The following BMPER variants were observed in gnomAD, a reference collection of about 807,000 sequenced individuals.
BMPER encodes BMP binding endothelial regulator, also known as BMP-binding endothelial regulator protein.
In BMPER, 45 loss-of-function variants were observed where a neutral mutation model predicts 87.3. The ratio of observed to expected loss-of-function variants is 0.52; its 90% CI spans 0.41 to 0.66. The LOEUF is 0.66. BMPER is among the 30% of genes least tolerant of loss of function. The pLI is 0.00. For synonymous variants in BMPER, 326 were observed against 316.2 expected, an observed-to-expected ratio of 1.03 and a Z score of -0.33; for missense variants, 784 against 867.5, an observed-to-expected ratio of 0.90 and a Z score of 1.21.
chr7:34,145,135 T>G (rs1274046422), intron 14 of BMPER, among the ~76,000 whole-genome samples: 1 of 152,164 alleles, frequency 6.6e-6, no homozygotes, highest in African/African-American at 2.4e-5. Flanking sequence ...CTTTTAAAAC[T>G]CCCTAGGTGA....
intron 11 of BMPER, among the ~76,000 whole-genome samples, chr7:34,063,385 G>A (rs35563195): frequency 0.25 from 29,169 of 117,612 alleles, 2,880 homozygotes; most frequent in Non-Finnish European, 0.28. Flanking sequence ...CTATATGTGT[G>A]TGTGTGTGTG....
intron 6 of BMPER, among the ~76,000 whole-genome samples, chr7:33,986,763 A>T (rs1585707246): frequency 1.3e-5 from 2 of 152,160 alleles, no homozygotes; most frequent in South Asian, 4.1e-4. Flanking sequence ...AAATAAAAGA[A>T]ATATCCTTTT....
Position 34,147,017 on chromosome 7 carries a change from AACTGAT to A in BMPER, c.1876+3661_1876+3666del, listed in dbSNP as rs142199046. Among the ~76,000 whole-genome samples the A allele has an allele frequency of 2.6e-4, 39 of 152,304 alleles. No homozygotes were observed. In the East Asian group the frequency reaches 7.5e-3, roughly 29 times the overall value. ...AGCAGAATGTCTGCCACCTGCCTAT[AACTGAT>A]ACTAATTGTCACTGCACATTCAGTC... On this transcript the variant is annotated intron_variant, in intron 14 of 14. Transcript: ENST00000649409.
At chr7:33,996,055 A>G (rs1247566599) in intron 6 of BMPER, among the ~76,000 whole-genome samples, 1 of 152,200 alleles carries the variant, frequency 6.6e-6, no homozygotes, top group Non-Finnish European at 1.5e-5. Context: ...CTCTTCCTCT[A>G]TCTCTAACAT....
rs375928314 is a variant in BMPER, at chr7:34,112,368, C to T, written c.1745+26276C>T. On this transcript the variant is annotated intron_variant, in intron 13 of 14. Coordinates refer to ENST00000649409, the MANE Select transcript of BMPER (RefSeq NM_001365308.1). ...AAAATTAGCCAGGCGTGGTGGTGGGCGCCTGTAGTCCCAGCTACTCGGGAG... is the reference window on the plus strand; with the variant it reads ...AAAATTAGCCAGGCGTGGTGGTGGGTGCCTGTAGTCCCAGCTACTCGGGAG... 4.5e-3 allele frequency among the ~76,000 whole-genome samples: 677 copies of T among 151,744 alleles called. 8 individuals are homozygous for T. The highest frequency in any genetic ancestry group is 0.015 in the African/African-American group (633 of 41,366).
At chr7:33,915,334 T>C (rs1176929081) in intron 2 of BMPER, among the ~76,000 whole-genome samples, 2 of 152,242 alleles carry the variant, frequency 1.3e-5, no homozygotes, top group Non-Finnish European at 2.9e-5. Flanking sequence ...AAACTTACTA[T>C]TGTAAACTTT....
At chr7:33,972,085 A>G (rs1785562784) in intron 5 of BMPER, among the ~76,000 whole-genome samples, 1 of 151,956 alleles carries the variant, frequency 6.6e-6, no homozygotes, top group Non-Finnish European at 1.5e-5. Context: ...TTGTATTTTT[A>G]GTAGAGACGG....
intron 3 of BMPER, among the ~76,000 whole-genome samples, chr7:33,965,900 C>T (rs1045548337): frequency 4.1e-4 from 63 of 152,056 alleles, no homozygotes; most frequent in African/African-American, 1.4e-3. Flanking sequence ...TTCGCTTAGT[C>T]TAATTTACTA....
In BMPER at chr7:33,995,448, C is replaced by A. The variant is rs998606970; in HGVS notation, c.576+20664C>A. On this transcript the variant is annotated intron_variant, in intron 6 of 14. Coordinates refer to ENST00000649409, the MANE Select transcript of BMPER (RefSeq NM_001365308.1). Reference sequence around the variant, plus strand: ...GACAATGTTGAGAGCCAGGATGAGACCTCCTGTTGCAAGGCTCTATCATGG... The same window carrying A: ...GACAATGTTGAGAGCCAGGATGAGAACTCCTGTTGCAAGGCTCTATCATGG... 2.0e-5 allele frequency among the ~76,000 whole-genome samples: 3 copies of A among 152,088 alleles called. No individual in the cohort carries two copies. In the South Asian group the frequency reaches 6.2e-4, roughly 32 times the overall value.
At chr7:34,046,473 T>A (rs1787972263) in intron 7 of BMPER, 68 bp downstream of exon 7, 1 of 1,502,474 alleles carries the variant, frequency 6.7e-7, no homozygotes, top group Admixed American at 1.7e-5. Context: ...GGAGTGTTTA[T>A]CCACGTTGTT....
intron 6 of BMPER, among the ~76,000 whole-genome samples, chr7:34,011,058 A>G (rs1585734616): frequency 6.6e-6 from 1 of 152,004 alleles, no homozygotes; most frequent in Middle Eastern, 3.4e-3. Context: ...TTTTGGGCAT[A>G]TATGGTGTTT....
intron 14 of BMPER, among the ~76,000 whole-genome samples, chr7:34,147,300 C>A (rs1021106374): frequency 6.6e-6 from 1 of 152,180 alleles, no homozygotes; most frequent in African/African-American, 2.4e-5. Context: ...TTCAGCACCC[C>A]ATAGGGGGAT....
chr7:33,993,846 C>A (rs940590055), intron 6 of BMPER, among the ~76,000 whole-genome samples: 10 of 152,160 alleles, frequency 6.6e-5, no homozygotes, highest in African/African-American at 2.2e-4. Flanking sequence ...ACAGACAGGA[C>A]CCTCAGCTGC....
chr7:33,994,227 C>T (rs913278430), intron 6 of BMPER, among the ~76,000 whole-genome samples: 67 of 152,214 alleles, frequency 4.4e-4, no homozygotes, highest in African/African-American at 1.4e-3. Flanking sequence ...GCCTCGCTGC[C>T]GCCTTGCAGT....
intron 11 of BMPER, among the ~76,000 whole-genome samples, chr7:34,062,502 A>G (rs1363996683): frequency 2.1e-5 from 3 of 141,698 alleles, no homozygotes; most frequent in Non-Finnish European, 4.5e-5. Context: ...ACCTGGGTGC[A>G]TCCAGTCTTG....
chr7:33,970,267 C>T (rs1785507891), intron 4 of BMPER, 62 bp from the exon 5 acceptor site: 16 of 1,547,464 alleles, frequency 1.0e-5, no homozygotes, highest in Non-Finnish European at 1.4e-5. Context: ...AGGTCACTTT[C>T]CAAAAGTAGT....
intron 14 of BMPER, among the ~76,000 whole-genome samples, chr7:34,144,921 G>A (rs1200390016): frequency 1.3e-5 from 2 of 152,184 alleles, no homozygotes; most frequent in Non-Finnish European, 2.9e-5. Flanking sequence ...TACATTGGTT[G>A]AAGATAAGAG....
At chr7:33,947,478 G>T (rs1303089624) in intron 3 of BMPER, among the ~76,000 whole-genome samples, 2 of 151,816 alleles carry the variant, frequency 1.3e-5, no homozygotes, top group African/African-American at 2.4e-5. Flanking sequence ...TCTGTGTTTT[G>T]TCTTGTTTTT....
chr7:33,952,833 G>A (rs945027358), intron 3 of BMPER, among the ~76,000 whole-genome samples: 11 of 152,192 alleles, frequency 7.2e-5, no homozygotes, highest in African/African-American at 2.7e-4. Flanking sequence ...TAGAGCTAAT[G>A]TGTATTGACT....
Sources: gnomAD v4.1 joint callset for allele counts (sites outside exome capture counted in the v4.1 genomes callset) on GRCh38, gnomAD v4.1.1 for gene constraint, MANE v1.5 for transcripts, NCBI Gene and HGNC (gene_info 2026-07-23, HGNC 2026-07-21) for gene names.